TP73: variants seen among roughly 807,000 people sequenced by gnomAD.
The protein encoded by TP73 is p53-like transcription factor.
In TP73, 25 loss-of-function variants were observed where a neutral mutation model predicts 62.5. The observed-to-expected ratio is 0.40, with a 90% CI of 0.29 to 0.56. The LOEUF (loss-of-function observed/expected upper bound fraction) is 0.56, where lower values mean the gene tolerates loss of function less well. TP73 is among the 20% of genes least tolerant of loss of function. TP73 has a pLI of 0.46. For synonymous variants in TP73, 423 were observed against 377.5 expected, an observed-to-expected ratio of 1.12 and a Z score of -1.40; for missense variants, 754 against 913.3, an observed-to-expected ratio of 0.83 and a Z score of 2.25.
chr1:3,730,849 G>C, intron 11 of TP73, 78 bp from the exon 12 acceptor site: 7 of 1,486,730 alleles, frequency 4.7e-6, no homozygotes, highest in Non-Finnish European at 6.3e-6. Flanking sequence ...GTGTCCAGAG[G>C]TGTCTGGAGC....
At chr1:3,690,877 T>C (rs757169007) in intron 3 of TP73, 13 of 1,565,558 alleles carry the variant, frequency 8.3e-6, no homozygotes, top group Non-Finnish European at 1.1e-5. Context: ...ACCAGTTCCC[T>C]GGCGTGTGCA....
At position 3,727,216 on chromosome 1, in the gene TP73, G is replaced by A. The variant is rs1354461033; in HGVS notation, c.834G>A (p.Glu278=). ...CCATCCTCATCATCATCACCCTGGA[G>A]ATGCGGGAGTGAGTCCCGGGCACAC... is the stretch of plus-strand genomic sequence containing the variant. ...RRPILIIITL[E]MRDGQVLGRR... Residue 278 remains glutamate (E), a synonymous_variant, in exon 7 of 14, where the codon GAG becomes GAA. Coordinates refer to ENST00000378295, the MANE Select transcript of TP73 (RefSeq NM_005427.4). The A allele has an allele frequency of 6.2e-7, 1 of 1,612,000 alleles. No homozygotes were observed. Among genetic ancestry groups the A allele is most frequent in the Non-Finnish European group, 8.5e-7 (1 of 1,179,438 alleles).
chr1:3,690,114 G>A (rs2124222934), intron 3 of TP73, among the ~76,000 whole-genome samples: 1 of 152,276 alleles, frequency 6.6e-6, no homozygotes, highest in African/African-American at 2.4e-5. Flanking sequence ...GGCTTGGCCA[G>A]TGCCAGGGTG....
At chr1:3,692,392 C>T (rs888515928) in intron 3 of TP73, among the ~76,000 whole-genome samples, 2 of 152,186 alleles carry the variant, frequency 1.3e-5, no homozygotes, top group African/African-American at 2.4e-5. Flanking sequence ...CACACGCCTG[C>T]GTGATCTTTT....
chr1:3,715,821 C>G (rs1482652981), intron 4 of TP73, among the ~76,000 whole-genome samples: 1 of 152,196 alleles, frequency 6.6e-6, no homozygotes, highest in African/African-American at 2.4e-5. Flanking sequence ...ACAAAGCCAC[C>G]AAGTCTATCC....
chr1:3,713,930 T>C (rs1640373662), intron 4 of TP73, among the ~76,000 whole-genome samples: 1 of 152,036 alleles, frequency 6.6e-6, no homozygotes, highest in South Asian at 2.1e-4. Context: ...CAGGCTTCAG[T>C]GAGGCAGAAG....
intron 5 of TP73, 68 bp from the exon 6 acceptor site, chr1:3,723,286 C>T (rs1641248354): frequency 7.5e-7 from 1 of 1,333,682 alleles, no homozygotes; most frequent in Non-Finnish European, 1.1e-6. Context: ...GGCTGGGCAC[C>T]TCTCTGCACC....
chr1:3,692,542 C>T (rs532794355), intron 3 of TP73, among the ~76,000 whole-genome samples: 69 of 152,304 alleles, frequency 4.5e-4, no homozygotes, highest in African/African-American at 1.5e-3. Context: ...CTATTAGAAA[C>T]GCACAGCAGG....
rs116246270 is a variant in TP73 at position 3,674,076 on chromosome 1, G to A, written c.-33-8257G>A. On this transcript the variant is annotated intron_variant, in intron 1 of 13. Coordinates refer to ENST00000378295, the MANE Select transcript of TP73 (RefSeq NM_005427.4). ...GTGTGGCCTCACTGGGCCGTCGTGG[G>A]GTGGCTGGAATCCCCGGGAATTAGC... Among the ~76,000 whole-genome samples the A allele has an allele frequency of 7.4e-3, 1,121 of 152,314 alleles. 13 individuals carry two copies. The highest frequency in any genetic ancestry group is 0.012 in the Non-Finnish European group (806 of 68,028).
chr1:3,734,323 G>A lies in TP73; in HGVS notation c.*1244G>A, dbSNP rs116486945. On this transcript the variant is annotated 3_prime_UTR_variant, in exon 14 of 14. Transcript: ENST00000378295. This position sits in a 1 kb window ranked among gnomAD's most constrained non-coding sequence, Gnocchi z 4.4. ...CCTTTCTGGGGCCACCTCCATCCACGAGGAGCAGCCTGAGCCTTGGTGGCC... is the reference window on the plus strand; with the variant it reads ...CCTTTCTGGGGCCACCTCCATCCACAAGGAGCAGCCTGAGCCTTGGTGGCC... 4,140 of 152,348 alleles carry A rather than the reference G, an allele frequency of 0.027. 171 individuals are homozygous for A. Among genetic ancestry groups the A allele is most frequent in the African/African-American group, 0.092 (3,814 of 41,510 alleles). The allele number at this position is 152,348 out of a possible 1,614,324, so 9.4% of individuals were successfully genotyped here.
At chr1:3,731,665 C>A in intron 13 of TP73, 109 bp downstream of exon 13, 1 of 1,007,858 alleles carries the variant, frequency 9.9e-7, no homozygotes, top group Non-Finnish European at 1.5e-6. Context: ...AACTTGGAAA[C>A]CCTTTCCCAC....
chr1:3,705,216 C>A (rs116742983), intron 3 of TP73, among the ~76,000 whole-genome samples: 76 of 152,358 alleles, frequency 5.0e-4, no homozygotes, highest in African/African-American at 1.8e-3. Flanking sequence ...GGCACCATGG[C>A]TTATCCACGT....
At chr1:3,720,023 C>T (rs1203586232) in intron 4 of TP73, among the ~76,000 whole-genome samples, 1 of 151,944 alleles carries the variant, frequency 6.6e-6, no homozygotes, top group Admixed American at 6.6e-5. Context: ...TCAAGCGATT[C>T]TCCTGCCTCC....
chr1:3,710,728 T>C (rs1274136817), intron 4 of TP73, among the ~76,000 whole-genome samples: 1 of 152,136 alleles, frequency 6.6e-6, no homozygotes, highest in Admixed American at 6.5e-5. Context: ...TATGTGTGCA[T>C]ACACACGCAT....
chr1:3,726,870 A>T (rs112749598), intron 6 of TP73, among the ~76,000 whole-genome samples: 2 of 145,294 alleles, frequency 1.4e-5, no homozygotes, highest in Non-Finnish European at 3.0e-5. Flanking sequence ...GGATGGATGG[A>T]TGGATGGATG....
chr1:3,685,747 C>A (rs1335991766), intron 3 of TP73, among the ~76,000 whole-genome samples: 1 of 152,214 alleles, frequency 6.6e-6, no homozygotes, highest in Admixed American at 6.5e-5. Context: ...TGGAGCTGAA[C>A]TGGGGGGCAT....
chr1:3,733,142 C>A lies in TP73; in HGVS notation c.*63C>A. ...GACCCAAGCTGCCTCCCCTCTCCTTCCTGTGTGTCCAAAACTGCCTCAGGA... is the reference window on the plus strand; with the variant it reads ...GACCCAAGCTGCCTCCCCTCTCCTTACTGTGTGTCCAAAACTGCCTCAGGA... On this transcript the variant is annotated 3_prime_UTR_variant, in exon 14 of 14. Transcript: ENST00000378295. 6.8e-7 allele frequency: 1 copy of A among 1,461,570 alleles called. No homozygotes were observed. Among genetic ancestry groups the A allele is most frequent in the Non-Finnish European group, 9.1e-7 (1 of 1,100,590 alleles). 90.5% of individuals were successfully genotyped at this position (1,461,570 alleles called of 1,614,324 possible).
chr1:3,670,701 GAA>G lies in TP73; in HGVS notation c.-33-11628_-33-11627del, dbSNP rs954534415. ...AAATAAAATAAAAAAGATAGGAAAA[GAA>G]AAAGAAAAAGTGAGGAGAAATGAGG... On this transcript the variant is annotated intron_variant, in intron 1 of 13. Coordinates refer to ENST00000378295, the MANE Select transcript of TP73 (RefSeq NM_005427.4). This position sits in a 1 kb window ranked among gnomAD's most constrained non-coding sequence, Gnocchi z 5.9. Among the ~76,000 whole-genome samples, 1 of 152,092 alleles carries G rather than the reference GAA, an allele frequency of 6.6e-6. No individual in the cohort carries two copies. Among genetic ancestry groups the G allele is most frequent in the African/African-American group, 2.4e-5 (1 of 41,418 alleles).
intron 1 of TP73, among the ~76,000 whole-genome samples, chr1:3,678,189 G>A (rs977526531): frequency 6.6e-6 from 1 of 152,208 alleles, no homozygotes; most frequent in East Asian, 1.9e-4. Context: ...TCCCAGAACC[G>A]TGATCCCCTT....
Sources: allele counts gnomAD v4.1 joint callset (sites outside exome capture counted in the v4.1 genomes callset), GRCh38; gene constraint gnomAD v4.1.1; non-coding constraint Gnocchi (gnomAD v3.1); transcripts MANE v1.5; gene names NCBI Gene and HGNC (gene_info 2026-07-23, HGNC 2026-07-21).